The following SUGCT variants were observed in gnomAD, a reference collection of about 807,000 sequenced individuals.
SUGCT encodes the protein succinyl-CoA:glutarate CoA-transferase.
In SUGCT, 41 loss-of-function variants were observed where a neutral mutation model predicts 55.0. The observed-to-expected ratio is 0.74, with a 90% confidence interval of 0.58 to 0.97. The LOEUF is 0.97. Among genes scored for constraint, SUGCT ranks in the 50% least tolerant of loss-of-function variants. The pLI, the probability that SUGCT is intolerant of heterozygous loss-of-function variation, is 0.00. For synonymous variants in SUGCT, 187 were observed against 200.4 expected, an observed-to-expected ratio of 0.93 and a Z score of 0.56; for missense variants, 568 against 547.8, an observed-to-expected ratio of 1.04 and a Z score of -0.37.
the SUGCT span, among the ~76,000 whole-genome samples, chr7:40,975,724 C>A: frequency 6.6e-6 from 1 of 152,102 alleles, no homozygotes; most frequent in Middle Eastern, 3.2e-3. Flanking sequence ...ATTTTCTTGG[C>A]CAGAGTTACA....
intron 6 of SUGCT, among the ~76,000 whole-genome samples, chr7:40,233,130 C>A (rs1440272331): frequency 6.6e-6 from 1 of 151,866 alleles, no homozygotes; most frequent in East Asian, 1.9e-4. Context: ...ATTCATAGTA[C>A]TGGTAGTCAG....
the SUGCT span, among the ~76,000 whole-genome samples, chr7:40,931,966 C>G: frequency 3.9e-4 from 59 of 152,208 alleles, no homozygotes; most frequent in South Asian, 1.9e-3. Context: ...CTTCTGCTAG[C>G]TTTTGAATGT....
chr7:40,494,052 A>G (rs112340233), intron 11 of SUGCT, among the ~76,000 whole-genome samples: 1,617 of 152,296 alleles, frequency 0.011, 21 homozygotes, highest in Non-Finnish European at 0.016. Context: ...ATAACATGAA[A>G]TAAATCCCTC....
the SUGCT span, among the ~76,000 whole-genome samples, chr7:40,985,281 G>T: frequency 2.0e-5 from 3 of 152,136 alleles, no homozygotes; most frequent in African/African-American, 7.2e-5. Context: ...ATTGTAAATG[G>T]ACATTTATGG....
intron 9 of SUGCT, among the ~76,000 whole-genome samples, chr7:40,402,259 CTTTT>C (rs776479084): frequency 6.6e-5 from 10 of 151,936 alleles, no homozygotes; most frequent in Non-Finnish European, 1.5e-4. Flanking sequence ...CCCCGTCTTT[CTTTT>C]GAGTTGCTGG....
Position 40,344,544 on chromosome 7 carries a change from G to A in SUGCT, c.816+27689G>A, listed in dbSNP as rs189051065. ...TAAATAAAGTTTTATTTAACCACAG[G>A]CATACTCACTTGATTATATATTGTC... On this transcript the variant is annotated intron_variant, in intron 9 of 13. Transcript: ENST00000335693. 2.0e-3 allele frequency among the ~76,000 whole-genome samples: 298 copies of A among 152,220 alleles called. 12 individuals are homozygous for A. In the South Asian group the frequency reaches 0.059, roughly 30 times the overall value.
chr7:40,751,155 A>G (rs1219677580), intron 13 of SUGCT, among the ~76,000 whole-genome samples: 1 of 152,172 alleles, frequency 6.6e-6, no homozygotes, highest in Non-Finnish European at 1.5e-5. Context: ...CATGACACTG[A>G]GGGGCAAAAC....
chr7:40,283,878 TC>T (rs1318504076), intron 8 of SUGCT, among the ~76,000 whole-genome samples: 1 of 152,204 alleles, frequency 6.6e-6, no homozygotes, highest in Non-Finnish European at 1.5e-5. Flanking sequence ...ATTTTCATGT[TC>T]GCTGCAGCAT....
At chr7:40,274,453 A>C in intron 7 of SUGCT, 60 bp from the exon 8 acceptor site, 1 of 1,543,924 alleles carries the variant, frequency 6.5e-7, no homozygotes, top group Non-Finnish European at 8.8e-7. Flanking sequence ...GATTTGAGAA[A>C]TCATATGATT....
intron 9 of SUGCT, among the ~76,000 whole-genome samples, chr7:40,385,342 A>G (rs1258198200): frequency 6.6e-6 from 1 of 152,122 alleles, no homozygotes; most frequent in African/African-American, 2.4e-5. Flanking sequence ...ACTTAATGTC[A>G]CTGTTCTTGG....
chr7:40,777,666 C>A (rs1011431575), intron 13 of SUGCT, among the ~76,000 whole-genome samples: 1 of 152,124 alleles, frequency 6.6e-6, no homozygotes, highest in African/African-American at 2.4e-5. Flanking sequence ...CTGCTTGGGA[C>A]TGGGCAGCGC....
At chr7:40,849,593 T>G (rs897383678) in intron 13 of SUGCT, among the ~76,000 whole-genome samples, 24 of 152,320 alleles carry the variant, frequency 1.6e-4, no homozygotes, top group African/African-American at 5.5e-4. Context: ...TGGTTTGGTT[T>G]ATAGAAATGT....
chr7:40,837,937 G>T (rs545904548), intron 13 of SUGCT, among the ~76,000 whole-genome samples: 4 of 152,126 alleles, frequency 2.6e-5, no homozygotes, highest in Non-Finnish European at 5.9e-5. Flanking sequence ...TTTTTTATGG[G>T]ATATGAAAAT....
chr7:40,617,747 A>G (rs1055651013), intron 12 of SUGCT, among the ~76,000 whole-genome samples: 4 of 152,012 alleles, frequency 2.6e-5, no homozygotes, highest in African/African-American at 4.8e-5. Context: ...TTTTTTTCCA[A>G]TGGAGAGCTG....
intron 13 of SUGCT, among the ~76,000 whole-genome samples, chr7:40,859,606 A>T (rs1186170174): frequency 1.3e-5 from 2 of 152,232 alleles, no homozygotes; most frequent in African/African-American, 2.4e-5. Flanking sequence ...AGCATGGGTT[A>T]GGGAATGCTT....
At chr7:40,777,671 C>T (rs1789531915) in intron 13 of SUGCT, among the ~76,000 whole-genome samples, 1 of 152,100 alleles carries the variant, frequency 6.6e-6, no homozygotes. Context: ...TGGGACTGGG[C>T]AGCGCCATGG....
intron 13 of SUGCT, among the ~76,000 whole-genome samples, chr7:40,838,460 G>T (rs775374219): frequency 6.6e-6 from 1 of 152,162 alleles, no homozygotes; most frequent in Non-Finnish European, 1.5e-5. Context: ...GTAATGTTCA[G>T]CATACTTAAA....
At chr7:40,950,037 T>C in the SUGCT span, among the ~76,000 whole-genome samples, 12,485 of 152,214 alleles carry the variant, frequency 0.082, 564 homozygotes, top group African/African-American at 0.1. Flanking sequence ...ATCTATAAAT[T>C]ACCTTGGGCA....
intron 9 of SUGCT, among the ~76,000 whole-genome samples, chr7:40,333,627 ACT>A (rs1796450941): frequency 2.0e-5 from 2 of 98,286 alleles, no homozygotes; most frequent in African/African-American, 8.2e-5. Context: ...ACAGGGCGAG[ACT>A]CTGTCTCAAA....
Sources: gnomAD v4.1 joint callset for allele counts (sites outside exome capture counted in the v4.1 genomes callset) on GRCh38, gnomAD v4.1.1 for gene constraint, MANE v1.5 for transcripts, NCBI Gene and HGNC (gene_info 2026-07-23, HGNC 2026-07-21) for gene names.